The following PLCL2 variants were observed in gnomAD, a reference collection of about 807,000 sequenced individuals.
The protein encoded by PLCL2 is phospholipase C like 2, also known as inactive phospholipase C-like protein 2.
In PLCL2, 4 loss-of-function variants were observed where a neutral mutation model predicts 79.6. That is an observed-to-expected ratio of 0.05 (90% confidence interval 0.02 to 0.11). PLCL2 has a LOEUF of 0.11. Ranked by LOEUF, PLCL2 falls within the 10% of genes least tolerant of loss-of-function variation. PLCL2 has a pLI of 1.00. For missense variants in PLCL2, 895 were observed against 1,291.0 expected, an observed-to-expected ratio of 0.69 and a Z score of 4.70; for synonymous variants, 484 against 457.7, an observed-to-expected ratio of 1.06 and a Z score of -0.73.
intron 1 of PLCL2, among the ~76,000 whole-genome samples, chr3:16,979,733 ACC>A (rs1338920101): frequency 5.1e-4 from 75 of 146,606 alleles, no homozygotes; most frequent in African/African-American, 1.6e-3. Context: ...TCCCATGTCT[ACC>A]TCTTTCTACA....
At chr3:16,988,596 G>C (rs1217641609) in intron 1 of PLCL2, among the ~76,000 whole-genome samples, 1 of 152,092 alleles carries the variant, frequency 6.6e-6, no homozygotes, top group Admixed American at 6.6e-5. Flanking sequence ...ACCACAGGTT[G>C]AAAGAAGCTA....
At chr3:16,956,341 G>A (rs1327214364) in intron 1 of PLCL2, among the ~76,000 whole-genome samples, 23 of 152,046 alleles carry the variant, frequency 1.5e-4, no homozygotes, top group Non-Finnish European at 3.1e-4. Context: ...TTATTGATTT[G>A]CATATGTTGA....
In PLCL2 at chr3:16,954,941, A is replaced by G. The variant is rs537767349; in HGVS notation, c.328-54733A>G. Among the ~76,000 whole-genome samples the G allele has an allele frequency of 2.9e-4, 44 of 152,244 alleles. 1 individual carries two copies. Among genetic ancestry groups the G allele is most frequent in the South Asian group, 8.3e-4 (4 of 4,822 alleles). ...CTGGATATCAGCCCTTTGTCAGATG[A>G]GTAGGTTGTAAAAATGTTCTCCCAT... On this transcript the variant is annotated intron_variant, in intron 1 of 5. Transcript: ENST00000615277.
chr3:16,900,347 A>G (rs755416518), intron 1 of PLCL2, among the ~76,000 whole-genome samples: 6 of 152,242 alleles, frequency 3.9e-5, no homozygotes, highest in African/African-American at 1.2e-4. Flanking sequence ...TAAAATTACA[A>G]ATCATCCTTG....
intron 1 of PLCL2, among the ~76,000 whole-genome samples, chr3:16,984,457 TAG>T (rs1437877998): frequency 6.6e-6 from 1 of 152,176 alleles, no homozygotes; most frequent in African/African-American, 2.4e-5. Context: ...GCAGAATTGT[TAG>T]AGTTTGTTGT....
At chr3:16,996,223 A>C (rs138217348) in intron 1 of PLCL2, among the ~76,000 whole-genome samples, 1 of 152,306 alleles carries the variant, frequency 6.6e-6, no homozygotes, top group Non-Finnish European at 1.5e-5. Flanking sequence ...AAGAACTGGC[A>C]GAAGTAGCCA....
Position 17,011,213 on chromosome 3 carries a change from A to G in PLCL2, c.1867A>G (p.Ser623Gly). 1 of 1,614,180 alleles carries G rather than the reference A, an allele frequency of 6.2e-7. No homozygotes were observed. Residue 623 changes from serine (S) to glycine (G), a missense_variant, in exon 2 of 6, where the codon AGC becomes GGC. Around this residue, in one of 6 missense-constraint regions of PLCL2, gnomAD observed 242 missense variants for 399.5 expected, o/e 0.61. Coordinates refer to ENST00000615277, the MANE Select transcript of PLCL2 (RefSeq NM_001144382.2). This position sits in a 1 kb window ranked among gnomAD's most constrained non-coding sequence, Gnocchi z 7.9. Reference sequence around the variant, plus strand: ...TTGTAAAGAACTGTCTGAACTGGTCAGCATCTGCAAATCAGTTCAGTTCAA... The same window carrying G: ...TTGTAAAGAACTGTCTGAACTGGTCGGCATCTGCAAATCAGTTCAGTTCAA... ...QLCKELSELV[S>G]ICKSVQFKEF...
At chr3:16,968,924 C>G (rs1049697303) in intron 1 of PLCL2, among the ~76,000 whole-genome samples, 14 of 152,208 alleles carry the variant, frequency 9.2e-5, no homozygotes, top group African/African-American at 3.4e-4. Context: ...TATATTCTTT[C>G]AAAGCCTAGT....
At chr3:17,052,100 C>T (rs1421462886) in intron 4 of PLCL2, among the ~76,000 whole-genome samples, 1 of 152,032 alleles carries the variant, frequency 6.6e-6, no homozygotes, top group Non-Finnish European at 1.5e-5. Flanking sequence ...TTGAAGATAC[C>T]ATTGTTGCTA....
chr3:17,084,993 C>T (rs1269882479), intron 5 of PLCL2, among the ~76,000 whole-genome samples: 1 of 152,126 alleles, frequency 6.6e-6, no homozygotes, highest in Non-Finnish European at 1.5e-5. Context: ...ATAAAACTGT[C>T]TCTGTTCACA....
chr3:16,891,040 T>C (rs905020867), intron 1 of PLCL2, among the ~76,000 whole-genome samples: 1 of 152,184 alleles, frequency 6.6e-6, no homozygotes, highest in African/African-American at 2.4e-5. Context: ...GCAGGGGTAA[T>C]TAGGTGAACC....
chr3:16,969,506 G>C (rs1290987864), intron 1 of PLCL2, among the ~76,000 whole-genome samples: 1 of 151,948 alleles, frequency 6.6e-6, no homozygotes, highest in African/African-American at 2.4e-5. Flanking sequence ...CATTTCTTCT[G>C]AGTTTTCTAG....
chr3:17,064,147 A>G (rs1240836422), intron 4 of PLCL2, among the ~76,000 whole-genome samples: 1 of 152,190 alleles, frequency 6.6e-6, no homozygotes, highest in Non-Finnish European at 1.5e-5. Context: ...TTCTTTATAC[A>G]CCACTGTTGT....
At chr3:17,012,524 A>G (rs1386292586) in intron 2 of PLCL2, among the ~76,000 whole-genome samples, 1 of 152,212 alleles carries the variant, frequency 6.6e-6, no homozygotes, top group Non-Finnish European at 1.5e-5. Context: ...CTATCAAAAT[A>G]AAAAGGATAT....
intron 1 of PLCL2, among the ~76,000 whole-genome samples, chr3:16,891,933 T>C (rs542557780): frequency 2.6e-4 from 40 of 152,338 alleles, no homozygotes; most frequent in African/African-American, 7.5e-4. Flanking sequence ...GAATTATTTC[T>C]CTGTCTTCCA....
In PLCL2 at chr3:17,011,176, G is replaced by A. The variant is rs1412008260; in HGVS notation, c.1830G>A (p.Lys610=). The A allele has an allele frequency of 3.7e-6, 6 of 1,614,208 alleles. No homozygotes were observed. The highest frequency in any genetic ancestry group is 5.1e-6 in the Non-Finnish European group (6 of 1,180,040). The stretch of plus-strand genomic sequence containing the variant: ...AGCAACCCAATAATGTGCCTGTGAA[G>A]CGATTTCAGCTTTGTAAAGAACTGT... The part of the protein sequence containing the change: ...NMEQPNNVPV[K]RFQLCKELSE... The change falls in exon 2 of 6, where the codon AAG becomes AAA. Residue 610 remains lysine (K), a synonymous_variant. Coordinates refer to ENST00000615277, the MANE Select transcript of PLCL2 (RefSeq NM_001144382.2). The surrounding 1 kb of genome is among the most constrained non-coding windows in gnomAD (Gnocchi z 7.9).
At chr3:16,998,751 G>A (rs772257407) in intron 1 of PLCL2, among the ~76,000 whole-genome samples, 1 of 152,202 alleles carries the variant, frequency 6.6e-6, no homozygotes, top group Non-Finnish European at 1.5e-5. Flanking sequence ...TGTTGTGAAA[G>A]CAGTATTGTA....
At chr3:17,045,263 C>G (rs562727644) in intron 4 of PLCL2, among the ~76,000 whole-genome samples, 1 of 152,094 alleles carries the variant, frequency 6.6e-6, no homozygotes, top group Non-Finnish European at 1.5e-5. Flanking sequence ...AGATGTATTT[C>G]GAATTTTAAA....
chr3:16,888,983 A>G (rs1449582764), intron 1 of PLCL2, among the ~76,000 whole-genome samples: 2 of 152,156 alleles, frequency 1.3e-5, no homozygotes, highest in South Asian at 4.1e-4. Flanking sequence ...CACTAACATC[A>G]CCTCAAAAAA....
Sources: allele counts gnomAD v4.1 joint callset (sites outside exome capture counted in the v4.1 genomes callset), GRCh38; gene constraint gnomAD v4.1.1; regional missense constraint gnomAD v4.1.1; non-coding constraint Gnocchi (gnomAD v3.1); transcripts MANE v1.5; gene names NCBI Gene and HGNC (gene_info 2026-07-23, HGNC 2026-07-21).